The following CTNNB1 variants were observed in gnomAD, a reference collection of about 807,000 sequenced individuals.
CTNNB1 encodes catenin beta-1.
Under a neutral mutation model 82.5 loss-of-function variants are expected in CTNNB1, and 6 were observed. The ratio of observed to expected loss-of-function variants is 0.07; its 90% CI spans 0.04 to 0.14. CTNNB1 has a LOEUF of 0.14. Among genes scored for constraint, CTNNB1 ranks in the 10% least tolerant of loss-of-function variants. The probability of loss-of-function intolerance (pLI) is 1.00; values close to 1 mark genes in which losing one functional copy is unlikely to be tolerated. For missense variants in CTNNB1, 529 were observed against 980.4 expected (o/e 0.54, Z 6.15); for synonymous variants, 312 against 329.7 (o/e 0.95, Z 0.58).
rs1180333770 is a variant in CTNNB1, at chr3:41,224,038, A to T, written c.-31A>T. The stretch of plus-strand genomic sequence containing the variant: ...TTTTTTAGGGTATTTGAAGTATACC[A>T]TACAACTGTTTTGAAAATCCAGCGT... On this transcript the variant is annotated 5_prime_UTR_variant, in exon 2 of 15. Coordinates refer to ENST00000349496, the MANE Select transcript of CTNNB1 (RefSeq NM_001904.4). The T allele has an allele frequency of 5.0e-6, 8 of 1,612,324 alleles. No individual in the cohort carries two copies. Among genetic ancestry groups the T allele is most frequent in the Non-Finnish European group, 5.9e-6 (7 of 1,178,502 alleles).
chr3:41,210,029 C>G (rs1339947923), intron 1 of CTNNB1, among the ~76,000 whole-genome samples: 9 of 152,114 alleles, frequency 5.9e-5, no homozygotes, highest in Admixed American at 5.9e-4. Context: ...ATTTTTTAAA[C>G]GTTTTCACTC....
At chr3:41,231,011 A>T (rs2078294813) in intron 7 of CTNNB1, among the ~76,000 whole-genome samples, 1 of 152,226 alleles carries the variant, frequency 6.6e-6, no homozygotes, top group South Asian at 2.1e-4. Flanking sequence ...CATGGGCTGC[A>T]GGTTGGACAA....
Position 41,224,011 on chromosome 3 carries a change from C to G in CTNNB1, c.-48-10C>G. On this transcript the variant is annotated splice_polypyrimidine_tract_variant and intron_variant, in intron 1 of 14. Coordinates refer to ENST00000349496, the MANE Select transcript of CTNNB1 (RefSeq NM_001904.4). The stretch of plus-strand genomic sequence containing the variant: ...TTAAATCCTAATGACTTTTGATTAA[C>G]TTTTTTTAGGGTATTTGAAGTATAC... 1.3e-6 allele frequency: 2 copies of G among 1,586,760 alleles called. No homozygotes were observed. Among genetic ancestry groups the G allele is most frequent in the Non-Finnish European group, 1.7e-6 (2 of 1,155,384 alleles).
Position 41,236,680 on chromosome 3 carries a change from T to C in CTNNB1, c.2047T>C (p.Phe683Leu). 6.2e-7 allele frequency: 1 copy of C among 1,614,130 alleles called. No individual in the cohort carries two copies. The highest frequency in any genetic ancestry group is 8.5e-7 in the Non-Finnish European group (1 of 1,179,964). Reference sequence around the variant, plus strand: ...TTCAGTTGAGCTGACCAGCTCTCTCTTCAGAACAGAGCCAATGGCTTGGAA... The same window carrying C: ...TTCAGTTGAGCTGACCAGCTCTCTCCTCAGAACAGAGCCAATGGCTTGGAA... ...RLSVELTSSLFRTEPMAWNET... is the reference protein window; with the variant it reads ...RLSVELTSSLLRTEPMAWNET... Residue 683 changes from phenylalanine to leucine, a missense_variant, in exon 13 of 15, where the codon TTC (phenylalanine) becomes CTC (leucine). By Grantham distance (22) the Phe-to-Leu change is conservative. Transcript: ENST00000349496.
At chr3:41,221,618 C>G (rs2078051237) in intron 1 of CTNNB1, 1 of 152,120 alleles carries the variant, frequency 6.6e-6, no homozygotes, top group Non-Finnish European at 1.5e-5. Context: ...GAATTACAAG[C>G]CACTTCGCCT....
chr3:41,236,566 C>T (rs371594348), intron 12 of CTNNB1, 22 bp from the exon 13 acceptor site: 3 of 1,614,184 alleles, frequency 1.9e-6, no homozygotes, highest in East Asian at 4.5e-5. Context: ...TCCTCAAGGG[C>T]CTTTTTCTCC....
rs531482608 is a variant in CTNNB1, at chr3:41,238,346, G to A, written c.2137+270G>A. 41 of 427,760 alleles carry A rather than the reference G, an allele frequency of 9.6e-5. No homozygotes were observed. In the East Asian group the frequency reaches 1.1e-3, roughly 11 times the overall value. 26.5% of individuals were successfully genotyped at this position (427,760 alleles called of 1,614,324 possible). A position where few individuals can be genotyped will look rare whatever the true frequency, so the allele number is the denominator to read the frequency against. Reference sequence around the variant, plus strand: ...CAGTGCAGGATGTTACAATTTACCTGGCTTTTTATTCTCTTTTTGGCCAGA... The same window carrying A: ...CAGTGCAGGATGTTACAATTTACCTAGCTTTTTATTCTCTTTTTGGCCAGA... On this transcript the variant is annotated intron_variant, in intron 14 of 14. Coordinates refer to ENST00000349496, the MANE Select transcript of CTNNB1 (RefSeq NM_001904.4).
intron 1 of CTNNB1, among the ~76,000 whole-genome samples, chr3:41,207,063 C>T (rs768001282): frequency 6.6e-6 from 1 of 152,154 alleles, no homozygotes; most frequent in South Asian, 2.1e-4. Flanking sequence ...CTTTGTATAT[C>T]GTAGTTGTCC....
intron 1 of CTNNB1, among the ~76,000 whole-genome samples, chr3:41,215,446 T>G (rs2077895048): frequency 6.7e-6 from 1 of 148,860 alleles, no homozygotes; most frequent in Non-Finnish European, 1.5e-5. Context: ...TCTCCAAGCC[T>G]CCATATTACA....
Position 41,239,754 on chromosome 3 carries a change from A to G in CTNNB1, c.*412A>G. Reference sequence around the variant, plus strand: ...ATCTCAGAAAGTGCCTGACACACTAACCAAGCTGAGTTTCCTATGGGAACA... The same window carrying G: ...ATCTCAGAAAGTGCCTGACACACTAGCCAAGCTGAGTTTCCTATGGGAACA... On this transcript the variant is annotated 3_prime_UTR_variant, in exon 15 of 15. Transcript: ENST00000349496. The G allele has an allele frequency of 3.1e-6, 1 of 324,686 alleles. No individual in the cohort carries two copies. The highest frequency in any genetic ancestry group is 5.8e-6 in the Non-Finnish European group (1 of 172,992). 20.1% of individuals were successfully genotyped at this position (324,686 alleles called of 1,614,324 possible). A position where few individuals can be genotyped will look rare whatever the true frequency, so the allele number is the denominator to read the frequency against.
intron 1 of CTNNB1, among the ~76,000 whole-genome samples, chr3:41,204,829 T>C (rs1282631195): frequency 1.3e-5 from 2 of 152,394 alleles, no homozygotes; most frequent in East Asian, 1.9e-4. Context: ...TTCTGTGAAA[T>C]GACTGGTTCT....
Position 41,239,971 on chromosome 3 carries a change from T to C in CTNNB1, c.*629T>C, listed in dbSNP as rs1455053885. On this transcript the variant is annotated 3_prime_UTR_variant, in exon 15 of 15. Coordinates refer to ENST00000349496, the MANE Select transcript of CTNNB1 (RefSeq NM_001904.4). ...TATCTGTAATGGTACTGACTTTGCT[T>C]GCTTTGAAGTAGCTCTTTTTTTTTT... 1.1e-5 allele frequency: 2 copies of C among 180,280 alleles called. No individual in the cohort carries two copies. The highest frequency in any genetic ancestry group is 4.8e-5 in the African/African-American group (2 of 41,742). The allele number at this position is 180,280 out of a possible 1,614,324, so 11.2% of individuals were successfully genotyped here.
At chr3:41,217,175 CTT>C (rs1432399967) in intron 1 of CTNNB1, among the ~76,000 whole-genome samples, 1 of 152,202 alleles carries the variant, frequency 6.6e-6, no homozygotes, top group Non-Finnish European at 1.5e-5. Flanking sequence ...ACTTTTCACT[CTT>C]TCTCTGCCTG....
chr3:41,212,756 T>C (rs895667750), intron 1 of CTNNB1, among the ~76,000 whole-genome samples: 10 of 152,244 alleles, frequency 6.6e-5, no homozygotes, highest in African/African-American at 9.6e-5. Context: ...GCACTACATT[T>C]AGTATCACAA....
intron 1 of CTNNB1, among the ~76,000 whole-genome samples, chr3:41,214,191 G>A (rs2077862302): frequency 6.6e-6 from 1 of 152,100 alleles, no homozygotes; most frequent in African/African-American, 2.4e-5. Flanking sequence ...CCTTAGCTAT[G>A]GGGAGCAGCA....
chr3:41,215,315 G>C (rs1390845325), intron 1 of CTNNB1, among the ~76,000 whole-genome samples: 3 of 146,560 alleles, frequency 2.0e-5, no homozygotes, highest in Admixed American at 6.9e-5. Flanking sequence ...CCCAGGAGGC[G>C]GAGGATGCAG....
At chr3:41,214,857 A>C (rs1347197611) in intron 1 of CTNNB1, among the ~76,000 whole-genome samples, 3 of 152,170 alleles carry the variant, frequency 2.0e-5, no homozygotes, top group Non-Finnish European at 2.9e-5. Context: ...CTGTGAATGA[A>C]GTTTTAATGG....
At position 41,227,369 on chromosome 3, in the gene CTNNB1, A is replaced by G. The variant is rs2125628515; in HGVS notation, c.1081+17A>G. ...TAGAAGCTGGTAAGTATATGTATCT[A>G]TTCTGAGTCTTGTGTATAGCATCTG... On this transcript the variant is annotated intron_variant, in intron 7 of 14. Transcript: ENST00000349496. 2 of 1,613,288 alleles carry G rather than the reference A, an allele frequency of 1.2e-6. No individual in the cohort carries two copies. Among genetic ancestry groups the G allele is most frequent in the African/African-American group, 1.3e-5 (1 of 75,002 alleles).
intron 7 of CTNNB1, among the ~76,000 whole-genome samples, chr3:41,232,792 G>C (rs542700615): frequency 1.3e-5 from 2 of 152,238 alleles, no homozygotes; most frequent in East Asian, 3.9e-4. Context: ...TCTTTAGTCA[G>C]ATGTCACCTT....
Sources: gnomAD v4.1 joint callset for allele counts (sites outside exome capture counted in the v4.1 genomes callset) on GRCh38, gnomAD v4.1.1 for gene constraint, MANE v1.5 for transcripts, NCBI Gene and HGNC (gene_info 2026-07-23, HGNC 2026-07-21) for gene names.